The following UBE2G1 variants were observed in gnomAD, a reference collection of about 807,000 sequenced individuals.
UBE2G1 encodes the protein ubiquitin-conjugating enzyme E2 G1.
Under a neutral mutation model 22.7 loss-of-function variants are expected in UBE2G1, and 5 were observed. The ratio of observed to expected loss-of-function variants is 0.22; its 90% CI spans 0.12 to 0.46. The LOEUF is 0.46. UBE2G1 is among the 20% of genes least tolerant of loss of function. The probability of loss-of-function intolerance (pLI) is 0.99; values close to 1 mark genes in which losing one functional copy is unlikely to be tolerated. For missense variants in UBE2G1, 88 were observed against 203.9 expected (o/e 0.43, Z 3.46); for synonymous variants, 74 against 67.5 (o/e 1.10, Z -0.47).
chr17:4,339,433 T>C (rs1383078996), intron 1 of UBE2G1, among the ~76,000 whole-genome samples: 2 of 151,952 alleles, frequency 1.3e-5, no homozygotes, highest in African/African-American at 4.8e-5. Context: ...GCCTCCCAAG[T>C]AGCTGGGATT....
chr17:4,339,375 G>A (rs548643374), intron 1 of UBE2G1, among the ~76,000 whole-genome samples: 13 of 151,898 alleles, frequency 8.6e-5, no homozygotes, highest in Non-Finnish European at 1.6e-4. Context: ...TGCGATCTTG[G>A]CTCCCTGCAA....
chr17:4,366,123 C>T (rs1419700380), intron 1 of UBE2G1, 148 bp downstream of exon 1: 4 of 791,768 alleles, frequency 5.1e-6, no homozygotes, highest in Non-Finnish European at 7.2e-6. Context: ...CGGCTGGGCC[C>T]GGCCGGGACC....
chr17:4,343,436 G>A (rs551434234), intron 1 of UBE2G1, among the ~76,000 whole-genome samples: 3 of 152,074 alleles, frequency 2.0e-5, no homozygotes, highest in Admixed American at 6.5e-5. Context: ...CCCAGGAGGC[G>A]GAGGTTGCAG....
At chr17:4,305,852 T>C (rs938785698) in intron 2 of UBE2G1, among the ~76,000 whole-genome samples, 6 of 152,176 alleles carry the variant, frequency 3.9e-5, no homozygotes, top group African/African-American at 1.2e-4. Flanking sequence ...AGCAGATGCA[T>C]CTTACAAAAC....
chr17:4,333,347 G>A (rs1442752748), intron 1 of UBE2G1, among the ~76,000 whole-genome samples: 5 of 152,214 alleles, frequency 3.3e-5, no homozygotes, highest in East Asian at 3.9e-4. Flanking sequence ...AAAAACTTAC[G>A]GGCGAAGCTG....
At chr17:4,283,622 T>A (rs934284929) in intron 4 of UBE2G1, among the ~76,000 whole-genome samples, 2 of 152,100 alleles carry the variant, frequency 1.3e-5, no homozygotes, top group East Asian at 3.9e-4. Flanking sequence ...CATATTGAGA[T>A]GATACTAAGT....
intron 1 of UBE2G1, among the ~76,000 whole-genome samples, chr17:4,329,752 ATC>A (rs957044486): frequency 6.6e-6 from 1 of 151,912 alleles, no homozygotes; most frequent in South Asian, 2.1e-4. Context: ...TTCATAAACC[ATC>A]TCTCTCTTTC....
At chr17:4,328,464 AAGAGATAC>A (rs1217829672) in intron 1 of UBE2G1, among the ~76,000 whole-genome samples, 1 of 152,220 alleles carries the variant, frequency 6.6e-6, no homozygotes, top group Admixed American at 6.5e-5. Context: ...TTTCGCCAGC[AAGAGATAC>A]AGTAAAGTCT....
chr17:4,351,750 CCT>C (rs1471254423), intron 1 of UBE2G1, among the ~76,000 whole-genome samples: 3 of 152,256 alleles, frequency 2.0e-5, no homozygotes, highest in Non-Finnish European at 4.4e-5. Context: ...GAAATACAAT[CCT>C]CTGTTTACCT....
chr17:4,330,672 G>A, intron 1 of UBE2G1, among the ~76,000 whole-genome samples: 1 of 152,090 alleles, frequency 6.6e-6, no homozygotes, highest in Non-Finnish European at 1.5e-5. Context: ...AGGAGGCGGA[G>A]GTTGCGGTGA....
At chr17:4,274,699 T>G (rs1210158605) in intron 5 of UBE2G1, among the ~76,000 whole-genome samples, 5 of 152,146 alleles carry the variant, frequency 3.3e-5, no homozygotes, top group Non-Finnish European at 1.5e-5. Flanking sequence ...TATATCACCT[T>G]CACCAGATAC....
intron 1 of UBE2G1, among the ~76,000 whole-genome samples, chr17:4,308,530 GA>G (rs1345026640): frequency 6.6e-6 from 1 of 151,240 alleles, no homozygotes; most frequent in East Asian, 1.9e-4. Context: ...ATCTCAAAAA[GA>G]AAAAAAACAC....
chr17:4,315,407 A>C (rs1191413465), intron 1 of UBE2G1, among the ~76,000 whole-genome samples: 2 of 152,148 alleles, frequency 1.3e-5, no homozygotes, highest in Non-Finnish European at 2.9e-5. Flanking sequence ...ACATTCCAAG[A>C]CCCAACTAGA....
chr17:4,295,989 A>G (rs2325988), intron 3 of UBE2G1, among the ~76,000 whole-genome samples: 56,128 of 148,374 alleles, frequency 0.38, 11,316 homozygotes, highest in African/African-American at 0.53. Flanking sequence ...TGACACTGCC[A>G]GTAATCTTAC....
intron 2 of UBE2G1, among the ~76,000 whole-genome samples, chr17:4,298,403 ATAACAATAGTTAAC>A (rs1191528199): frequency 1.3e-5 from 2 of 152,228 alleles, no homozygotes; most frequent in Non-Finnish European, 2.9e-5. Context: ...ACATCAATAC[ATAACAATAGTTAAC>A]TAACAATAGT....
At chr17:4,302,740 T>C in intron 2 of UBE2G1, 1 of 203,442 alleles carries the variant, frequency 4.9e-6, no homozygotes, top group South Asian at 8.5e-5. Flanking sequence ...CTTTTGCACA[T>C]CACTGGTTTG....
chr17:4,307,693 G>C (rs1286098616), intron 1 of UBE2G1, among the ~76,000 whole-genome samples: 1 of 152,186 alleles, frequency 6.6e-6, no homozygotes, highest in African/African-American at 2.4e-5. Flanking sequence ...CATATGTCTT[G>C]TCTGTATATG....
At chr17:4,292,491 C>A (rs577460402) in intron 3 of UBE2G1, among the ~76,000 whole-genome samples, 123 of 152,264 alleles carry the variant, frequency 8.1e-4, no homozygotes, top group African/African-American at 2.8e-3. Context: ...CTTTATTCTC[C>A]TAGAAACTGG....
At chr17:4,314,711 C>A (rs552523800) in intron 1 of UBE2G1, among the ~76,000 whole-genome samples, 88 of 152,278 alleles carry the variant, frequency 5.8e-4, no homozygotes, top group Non-Finnish European at 9.3e-4. Context: ...ATTACAGTCT[C>A]CTGAAAAATG....
Sources: allele counts gnomAD v4.1 joint callset (sites outside exome capture counted in the v4.1 genomes callset), GRCh38; gene constraint gnomAD v4.1.1; transcripts MANE v1.5; gene names NCBI Gene and HGNC (gene_info 2026-07-23, HGNC 2026-07-21).